Variants in SLC2A9 observed in about 807,000 individuals in gnomAD.
SLC2A9 encodes solute carrier family 2 member 9.
Under a neutral mutation model 50.6 loss-of-function variants are expected in SLC2A9, and 39 were observed. The observed-to-expected ratio is 0.77, with a 90% CI of 0.60 to 1.01. SLC2A9 has a LOEUF of 1.01. Ranked by LOEUF, SLC2A9 falls within the 50% of genes least tolerant of loss-of-function variation. SLC2A9 has a pLI of 0.00. For synonymous variants in SLC2A9, 324 were observed against 276.9 expected (o/e 1.17, Z -1.69); for missense variants, 686 against 677.6 (o/e 1.01, Z -0.14).
intron 7 of SLC2A9, among the ~76,000 whole-genome samples, chr4:9,919,738 G>A (rs1398943236): frequency 6.6e-6 from 1 of 152,198 alleles, no homozygotes; most frequent in Non-Finnish European, 1.5e-5. Flanking sequence ...CATAGATGGG[G>A]AGATCACCAC....
In SLC2A9 at chr4:9,891,744, G is replaced by A. The variant is rs78843461; in HGVS notation, c.1114-1033C>T. Among the ~76,000 whole-genome samples the A allele has an allele frequency of 3.2e-3, 485 of 152,310 alleles. 3 individuals are homozygous for A. The highest frequency in any genetic ancestry group is 0.011 in the African/African-American group (459 of 41,582). ...GCTTTTCTCAATGAGGCAATCAGGC[G>A]AGGCTTCCTGGAGGAGGCAGGAGCA... On this transcript the variant is annotated intron_variant, in intron 8 of 11. Transcript: ENST00000264784.
At chr4:9,998,427 G>A (rs975532107) in intron 2 of SLC2A9, among the ~76,000 whole-genome samples, 9 of 152,292 alleles carry the variant, frequency 5.9e-5, no homozygotes, top group African/African-American at 1.7e-4. Flanking sequence ...TGTTGTGAGG[G>A]TCAAATGAGA....
intron 1 of SLC2A9, among the ~76,000 whole-genome samples, chr4:10,038,325 T>C (rs1026333758): frequency 6.6e-6 from 1 of 151,888 alleles, no homozygotes; most frequent in Non-Finnish European, 1.5e-5. Context: ...CTGGCCAACA[T>C]GGTGAAACCC....
At chr4:9,777,087 G>C (rs1388715887), downstream of SLC2A9, among the ~76,000 whole-genome samples, 1 of 152,090 alleles carries the variant, frequency 6.6e-6, no homozygotes, top group Non-Finnish European at 1.5e-5. Context: ...ATAGCATTTA[G>C]CACTGTATGA....
At chr4:9,795,059 TG>T (rs1720434316), downstream of SLC2A9, among the ~76,000 whole-genome samples, 1 of 133,666 alleles carries the variant, frequency 7.5e-6, no homozygotes, top group African/African-American at 2.8e-5. Context: ...TCACCCAGGC[TG>T]GAGTGCAGTG....
chr4:9,859,425 A>G (rs1252234734), intron 10 of SLC2A9, among the ~76,000 whole-genome samples: 2 of 152,174 alleles, frequency 1.3e-5, no homozygotes, highest in African/African-American at 4.8e-5. Context: ...CTTATCTCCA[A>G]TTTACAAATG....
chr4:9,790,463 T>C (rs768514138), intron 3 of SLC2A9, among the ~76,000 whole-genome samples: 1 of 152,172 alleles, frequency 6.6e-6, no homozygotes, highest in Non-Finnish European at 1.5e-5. Context: ...GGCTAACACA[T>C]ATGCCCTCAT....
intron 1 of SLC2A9, chr4:10,019,353 T>C: frequency 1.9e-6 from 1 of 528,462 alleles, no homozygotes; most frequent in South Asian, 2.3e-5. Flanking sequence ...TTTCAGCAGC[T>C]GCTCTGGGCA....
At chr4:9,880,552 A>T in intron 10 of SLC2A9, 2 of 985,444 alleles carry the variant, frequency 2.0e-6, no homozygotes, top group Non-Finnish European at 2.4e-6. Flanking sequence ...TAGGAAAAAA[A>T]AAACAGAGAA....
intron 10 of SLC2A9, among the ~76,000 whole-genome samples, chr4:9,837,554 T>G (rs1474358403): frequency 6.6e-6 from 1 of 152,244 alleles, no homozygotes; most frequent in East Asian, 1.9e-4. Flanking sequence ...TACATCAATG[T>G]ACAATGCAGT....
In SLC2A9 at chr4:9,987,480, CT is replaced by C. The variant is rs1413048876; in HGVS notation, c.411-1688del. The stretch of plus-strand genomic sequence containing the variant: ...AAGGAGTTGGGGAAACATCTTAGCC[CT>C]TTACGGCTTATTTTTTTTCCTATAG... On this transcript the variant is annotated intron_variant, in intron 3 of 11. Transcript: ENST00000264784. Among the ~76,000 whole-genome samples the C allele has an allele frequency of 2.6e-5, 4 of 152,282 alleles. No individual in the cohort carries two copies. In the East Asian group the frequency reaches 5.8e-4, roughly 22 times the overall value.
intron 1 of SLC2A9, among the ~76,000 whole-genome samples, chr4:9,771,676 G>T (rs955410761): frequency 1.3e-5 from 2 of 152,246 alleles, no homozygotes; most frequent in African/African-American, 4.8e-5. Flanking sequence ...AGCACCGAGC[G>T]AACAGATCAT....
intron 3 of SLC2A9, among the ~76,000 whole-genome samples, chr4:9,787,737 A>G (rs1719406622): frequency 6.6e-6 from 1 of 152,172 alleles, no homozygotes; most frequent in South Asian, 2.1e-4. Flanking sequence ...GCTACTTGGT[A>G]GACTTGTCCT....
rs1430778072 is a variant in SLC2A9, at chr4:10,037,440, C to T, written c.-41+2690G>A. Among the ~76,000 whole-genome samples, 7 of 152,280 alleles carry T rather than the reference C, an allele frequency of 4.6e-5. No individual in the cohort carries two copies. The East Asian group carries it at 5.8e-4, about 13-fold the overall frequency. On this transcript the variant is annotated intron_variant, in intron 1 of 12. Coordinates refer to the SLC2A9 transcript ENST00000309065. ...GCAAACCTTTTTCTCCTGGCCTCCT[C>T]GACACAGTGCTCTTTACATTTTCTC...
intron 6 of SLC2A9, among the ~76,000 whole-genome samples, chr4:9,925,181 T>G (rs1160156802): frequency 1.3e-5 from 2 of 152,224 alleles, no homozygotes; most frequent in Non-Finnish European, 2.9e-5. Flanking sequence ...TGCTGTTCCT[T>G]GTGTCCAGAA....
intron 5 of SLC2A9, among the ~76,000 whole-genome samples, chr4:9,971,016 T>G (rs10939636): frequency 0.47 from 72,041 of 151,926 alleles, 18,200 homozygotes; most frequent in African/African-American, 0.64. Flanking sequence ...GTCAAATCAA[T>G]CACGACCCTT....
intron 10 of SLC2A9, chr4:9,879,015 T>G (rs1193372110): frequency 1.0e-6 from 1 of 983,756 alleles, no homozygotes; most frequent in Non-Finnish European, 1.2e-6. Context: ...ATGTTTTGAA[T>G]GAATTCATGA....
chr4:10,034,455 G>C (rs1365979325), intron 1 of SLC2A9: 1 of 152,290 alleles, frequency 6.6e-6, no homozygotes, highest in Non-Finnish European at 1.5e-5. Flanking sequence ...TTGGGAGATG[G>C]TGAGAGGGAC....
chr4:9,879,402 T>G (rs1217180822), intron 10 of SLC2A9: 17 of 975,622 alleles, frequency 1.7e-5, no homozygotes, highest in Non-Finnish European at 1.9e-5. Context: ...GTGTGTGTGT[T>G]TGTGCGTGTG....
Sources: allele counts gnomAD v4.1 joint callset (sites outside exome capture counted in the v4.1 genomes callset), GRCh38; gene constraint gnomAD v4.1.1; transcripts MANE v1.5; gene names NCBI Gene and HGNC (gene_info 2026-07-23, HGNC 2026-07-21).